Variants in SLC4A7 observed in about 807,000 individuals in gnomAD.
SLC4A7 encodes the protein sodium bicarbonate cotransporter 3.
A neutral mutation model predicts 137.6 loss-of-function variants in SLC4A7; 51 were observed. The observed-to-expected ratio is 0.37, with a 90% confidence interval of 0.30 to 0.47. SLC4A7 has a LOEUF of 0.47. Among genes scored for constraint, SLC4A7 ranks in the 20% least tolerant of loss-of-function variants. The probability of loss-of-function intolerance (pLI) is 1.00; values close to 1 mark genes in which losing one functional copy is unlikely to be tolerated. For missense variants in SLC4A7, 1,247 were observed against 1,525.4 expected (o/e 0.82, Z 3.04); for synonymous variants, 542 against 518.6 (o/e 1.05, Z -0.61).
At chr3:27,402,004 C>T (rs977228533) in intron 15 of SLC4A7, among the ~76,000 whole-genome samples, 1 of 152,006 alleles carries the variant, frequency 6.6e-6, no homozygotes, top group Non-Finnish European at 1.5e-5. Flanking sequence ...TTATTCTGTC[C>T]GTCAAAGTTG....
At chr3:27,434,656 G>A (rs1031283162) in intron 5 of SLC4A7, among the ~76,000 whole-genome samples, 2 of 152,136 alleles carry the variant, frequency 1.3e-5, no homozygotes, top group Non-Finnish European at 2.9e-5. Context: ...TCTAGGAAGA[G>A]GAGTAAAATC....
chr3:27,422,962 T>G, intron 8 of SLC4A7: 1 of 318,396 alleles, frequency 3.1e-6, no homozygotes, highest in South Asian at 2.7e-5. Context: ...ATAATGTAAA[T>G]TATATTAATT....
rs2053914141 is a variant in SLC4A7, at chr3:27,411,688, T to C, written c.1720A>G (p.Lys574Glu). The change falls in exon 12 of 26, where the codon AAA becomes GAA. Residue 574 changes from lysine to glutamate, a missense_variant. By Grantham distance (56) the Lys-to-Glu change is moderately conservative. Around this residue, in one of 6 missense-constraint regions of SLC4A7, gnomAD observed 499 missense variants for 664.2 expected, o/e 0.75. Transcript: ENST00000454389. Reference sequence around the variant, plus strand: ...GGCCCAGCATGATGAGCGGCCTCTTTAGGAGTCTCACCCAGTGTGGGGGTA... The same window carrying C: ...GGCCCAGCATGATGAGCGGCCTCTTCAGGAGTCTCACCCAGTGTGGGGGTA... ...GSTPTLGETPKEAAHHAGPEL... is the reference protein window; with the variant it reads ...GSTPTLGETPEEAAHHAGPEL... 4 of 1,564,608 alleles carry C rather than the reference T, an allele frequency of 2.6e-6. No individual in the cohort carries two copies. The highest frequency in any genetic ancestry group is 3.5e-6 in the Non-Finnish European group (4 of 1,152,258).
rs1243590676 is a variant in SLC4A7, at chr3:27,436,455, T to C, written c.522A>G (p.Leu174=). 1 of 1,613,726 alleles carries C rather than the reference T, an allele frequency of 6.2e-7. No individual in the cohort carries two copies. Among genetic ancestry groups the C allele is most frequent in the African/African-American group, 1.3e-5 (1 of 75,040 alleles). The change falls in exon 5 of 26, where the codon CTA becomes CTG. Residue 174 remains leucine, a synonymous_variant. Coordinates refer to ENST00000454389, the MANE Select transcript of SLC4A7 (RefSeq NM_001321103.2). Reference sequence around the variant, plus strand: ...CTGTTCCATTGAGGATGCAACTCCTTAGTTCAAAAAGACTGTGCAAAGAGA... The same window carrying C: ...CTGTTCCATTGAGGATGCAACTCCTCAGTTCAAAAAGACTGTGCAAAGAGA... ...ATLSLHSLFE[L]RSCILNGTVM... is the part of the protein sequence containing the mutation.
In SLC4A7 at chr3:27,390,007, G is replaced by C; in HGVS notation, c.3284C>G (p.Thr1095Arg). The C allele has an allele frequency of 6.2e-7, 1 of 1,613,602 alleles. No homozygotes were observed. Among genetic ancestry groups the C allele is most frequent in the African/African-American group, 1.3e-5 (1 of 75,022 alleles). ...YVPLWKVHIF[T>R]VIQLTCLVLL... ...GACCAAACAAGTAAGCTGAATGACT[G>C]TGAAAATATGGACCTTCCAGAGCGG... The change falls in exon 22 of 26, where the codon ACA (threonine) becomes AGA (arginine). Residue 1095 changes from threonine to arginine, a missense_variant. This residue lies in a region of SLC4A7 where 290 missense variants were observed against 323.8 expected (regional missense o/e 0.90). Transcript: ENST00000454389.
chr3:27,421,716 C>T lies in SLC4A7; in HGVS notation c.1330G>A (p.Glu444Lys), dbSNP rs1559722353. Residue 444 changes from glutamate to lysine, a missense_variant, in exon 9 of 26, where the codon GAA becomes AAA. Glu to Lys is a moderately conservative substitution (Grantham distance 56). This residue lies in a region of SLC4A7 where 499 missense variants were observed against 664.2 expected (regional missense o/e 0.75). Transcript: ENST00000454389. ...GAEASNVLVGEVDFLERPIIA... is the reference protein window; with the variant it reads ...GAEASNVLVGKVDFLERPIIA... ...ATTGGCCTTTCCAAAAAGTCTACTT[C>T]GCCCACCAGGACGTTGGATGCCTCA... The T allele has an allele frequency of 1.2e-6, 2 of 1,613,726 alleles. No individual in the cohort carries two copies. Among genetic ancestry groups the T allele is most frequent in the South Asian group, 1.1e-5 (1 of 91,066 alleles).
intron 22 of SLC4A7, among the ~76,000 whole-genome samples, chr3:27,389,505 A>T (rs1451609100): frequency 6.6e-6 from 1 of 152,100 alleles, no homozygotes; most frequent in Non-Finnish European, 1.5e-5. Context: ...TAATTTAATG[A>T]ATTATATTGT....
At chr3:27,408,389 C>T (rs2053586842) in intron 13 of SLC4A7, among the ~76,000 whole-genome samples, 1 of 152,084 alleles carries the variant, frequency 6.6e-6, no homozygotes, top group South Asian at 2.1e-4. Flanking sequence ...AAGCAACTTA[C>T]TAAAAATATG....
Position 27,418,525 on chromosome 3 carries a change from A to G in SLC4A7, c.1620T>C (p.Pro540=). The part of the protein sequence containing the change: ...VTVLPPGEWD[P]SIRIEPPKSV... ...TTTTTGGTGGTTCTATGCGTATAGA[A>G]GGATCCCACTCTCCTGGAGGTAGGA... Residue 540 remains proline, a synonymous_variant, in exon 11 of 26, where the codon CCT becomes CCC. Coordinates refer to ENST00000454389, the MANE Select transcript of SLC4A7 (RefSeq NM_001321103.2). The G allele has an allele frequency of 6.2e-7, 1 of 1,611,870 alleles. No homozygotes were observed. The highest frequency in any genetic ancestry group is 8.5e-7 in the Non-Finnish European group (1 of 1,178,138).
chr3:27,404,599 G>A (rs1260765434), intron 14 of SLC4A7, among the ~76,000 whole-genome samples: 1 of 152,162 alleles, frequency 6.6e-6, no homozygotes, highest in Non-Finnish European at 1.5e-5. Context: ...CTGCTTATCA[G>A]CATTCAAATC....
intron 3 of SLC4A7, among the ~76,000 whole-genome samples, chr3:27,440,890 C>T (rs900674236): frequency 2.6e-5 from 4 of 151,912 alleles, no homozygotes; most frequent in Non-Finnish European, 4.4e-5. Context: ...ACCAAAAATA[C>T]AAAAATTAGC....
chr3:27,425,234 A>G (rs1214596761), intron 7 of SLC4A7, among the ~76,000 whole-genome samples: 2 of 151,810 alleles, frequency 1.3e-5, no homozygotes, highest in African/African-American at 2.4e-5. Flanking sequence ...GCCGGGCGTG[A>G]TGGCGTGTGC....
chr3:27,439,969 A>G (rs925835128), intron 3 of SLC4A7, among the ~76,000 whole-genome samples: 1 of 152,226 alleles, frequency 6.6e-6, no homozygotes, highest in African/African-American at 2.4e-5. Context: ...GCTTACTTTG[A>G]ACCTATTTAG....
intron 1 of SLC4A7, among the ~76,000 whole-genome samples, chr3:27,472,406 G>T (rs1157481055): frequency 6.6e-6 from 1 of 152,062 alleles, no homozygotes; most frequent in African/African-American, 2.4e-5. Flanking sequence ...TGGCCAACAT[G>T]GCGAAACCCC....
intron 5 of SLC4A7, among the ~76,000 whole-genome samples, chr3:27,435,737 T>C (rs574725518): frequency 1.0e-3 from 154 of 152,094 alleles, no homozygotes; most frequent in African/African-American, 3.7e-3. Context: ...AGCTACTCAG[T>C]AGGTTGAGGT....
intron 11 of SLC4A7, among the ~76,000 whole-genome samples, chr3:27,412,762 AT>A: frequency 6.6e-6 from 1 of 152,298 alleles, no homozygotes; most frequent in East Asian, 1.9e-4. Context: ...ATTTAATTGA[AT>A]TGATTAAAAA....
chr3:27,437,060 T>G (rs567583554), intron 4 of SLC4A7, among the ~76,000 whole-genome samples: 1 of 152,242 alleles, frequency 6.6e-6, no homozygotes, highest in South Asian at 2.1e-4. Flanking sequence ...AATTTAAAAA[T>G]GAGACTTAGG....
intron 11 of SLC4A7, among the ~76,000 whole-genome samples, chr3:27,412,243 C>T (rs188992623): frequency 6.6e-6 from 1 of 152,302 alleles, no homozygotes; most frequent in African/African-American, 2.4e-5. Flanking sequence ...CTTCCCATTA[C>T]ATTTTATTAC....
chr3:27,438,124 GA>G (rs1483807813), intron 3 of SLC4A7, among the ~76,000 whole-genome samples: 2 of 144,468 alleles, frequency 1.4e-5, no homozygotes, highest in African/African-American at 5.2e-5. Flanking sequence ...TTGAACCTGG[GA>G]AGTGGAGATT....
Sources: gnomAD v4.1 joint callset for allele counts (sites outside exome capture counted in the v4.1 genomes callset) on GRCh38, gnomAD v4.1.1 for gene constraint, gnomAD v4.1.1 regional missense constraint, MANE v1.5 for transcripts, NCBI Gene and HGNC (gene_info 2026-07-23, HGNC 2026-07-21) for gene names.